GALNT13: variants seen among roughly 807,000 people sequenced by gnomAD.
GALNT13 encodes the protein UDP-GalNAc:polypeptide N-acetylgalactosaminyltransferase 13.
GALNT13 carries 28 observed loss-of-function variants against 64.2 expected under a neutral mutation model. That is an observed-to-expected ratio of 0.44 (90% CI 0.32 to 0.60). GALNT13 has a LOEUF of 0.60. GALNT13 is among the 20% of genes least tolerant of loss of function. The pLI is 0.05. For synonymous variants in GALNT13, 214 were observed against 224.6 expected, an observed-to-expected ratio of 0.95 and a Z score of 0.42; for missense variants, 577 against 669.8, an observed-to-expected ratio of 0.86 and a Z score of 1.53.
the GALNT13 span, among the ~76,000 whole-genome samples, chr2:153,540,853 A>G: frequency 1.3e-5 from 2 of 152,242 alleles, no homozygotes; most frequent in Non-Finnish European, 2.9e-5. Context: ...CATTGTATCT[A>G]GAAAGTAAGT....
chr2:153,632,342 G>A, the GALNT13 span, among the ~76,000 whole-genome samples: 5,828 of 152,258 alleles, frequency 0.038, 144 homozygotes, highest in Middle Eastern at 0.065. Context: ...ATTTGTTACA[G>A]TTGATAAACT....
chr2:153,357,937 TC>T, the GALNT13 span, among the ~76,000 whole-genome samples: 1 of 152,164 alleles, frequency 6.6e-6, no homozygotes, highest in Non-Finnish European at 1.5e-5. Flanking sequence ...CTGTATATCC[TC>T]CCAAGAGGCA....
the GALNT13 span, among the ~76,000 whole-genome samples, chr2:153,234,655 C>T: frequency 4.6e-5 from 7 of 152,136 alleles, no homozygotes; most frequent in Non-Finnish European, 2.9e-5. Flanking sequence ...ATTTTTTCAT[C>T]TGTCTGCCTC....
the GALNT13 span, among the ~76,000 whole-genome samples, chr2:153,524,450 A>C: frequency 1.3e-5 from 2 of 152,006 alleles, no homozygotes; most frequent in Admixed American, 6.6e-5. Flanking sequence ...CAAAAGTCAG[A>C]TGAGCACTCA....
the GALNT13 span, among the ~76,000 whole-genome samples, chr2:153,479,730 A>G: frequency 6.6e-6 from 1 of 152,170 alleles, no homozygotes. Flanking sequence ...ATTTTCCATA[A>G]GCTGATGTAT....
intron 9 of GALNT13, among the ~76,000 whole-genome samples, chr2:154,343,420 A>C (rs1185628378): frequency 6.6e-6 from 1 of 152,032 alleles, no homozygotes; most frequent in Non-Finnish European, 1.5e-5. Context: ...AAATTTTCAA[A>C]CTGGCAAGCA....
intron 8 of GALNT13, among the ~76,000 whole-genome samples, chr2:154,275,448 T>A (rs1691589067): frequency 6.6e-6 from 1 of 152,234 alleles, no homozygotes; most frequent in African/African-American, 2.4e-5. Context: ...GGCATCAGTA[T>A]ACAGTTCAGG....
the GALNT13 span, among the ~76,000 whole-genome samples, chr2:153,693,553 A>G: frequency 1.3e-4 from 20 of 152,168 alleles, no homozygotes; most frequent in Middle Eastern, 3.4e-3. Flanking sequence ...GACTCGGGGG[A>G]AAAACACACG....
At position 154,078,601 on chromosome 2, in the gene GALNT13, G is replaced by A. The variant is rs114655217; in HGVS notation, c.143-61736G>A. Among the ~76,000 whole-genome samples the A allele has an allele frequency of 7.2e-3, 1,084 of 151,508 alleles. 11 individuals carry two copies. The highest frequency in any genetic ancestry group is 0.024 in the African/African-American group (998 of 41,424). On this transcript the variant is annotated intron_variant, in intron 3 of 12. Coordinates refer to ENST00000392825, the MANE Select transcript of GALNT13 (RefSeq NM_052917.4). ...TTGAGAAAACAAGAGTTTTGCCCAC[G>A]CTTATTTAAATGTACTTATATTTTC...
At chr2:154,172,700 A>G (rs1243763902) in intron 4 of GALNT13, among the ~76,000 whole-genome samples, 1 of 151,620 alleles carries the variant, frequency 6.6e-6, no homozygotes, top group African/African-American at 2.4e-5. Context: ...CATTTTCTTC[A>G]CTTATCTGTT....
the GALNT13 span, among the ~76,000 whole-genome samples, chr2:153,459,481 CCAAA>C: frequency 3.3e-5 from 5 of 151,996 alleles, no homozygotes; most frequent in African/African-American, 9.7e-5. Context: ...AACCAACCAA[CCAAA>C]CAAACAAAAG....
chr2:153,450,166 A>G, the GALNT13 span, among the ~76,000 whole-genome samples: 2 of 152,198 alleles, frequency 1.3e-5, no homozygotes, highest in Non-Finnish European at 2.9e-5. Context: ...GACTTGTCAG[A>G]TTAGTAATGT....
intron 4 of GALNT13, among the ~76,000 whole-genome samples, chr2:154,202,675 A>G (rs774214559): frequency 6.6e-6 from 1 of 152,098 alleles, no homozygotes; most frequent in African/African-American, 2.4e-5. Context: ...CCCATCTTTC[A>G]CCACCATGAC....
the GALNT13 span, among the ~76,000 whole-genome samples, chr2:153,292,271 T>G: frequency 6.6e-6 from 1 of 151,094 alleles, no homozygotes; most frequent in African/African-American, 2.4e-5. Context: ...CCATCTATGT[T>G]CTTGTCTGAG....
At chr2:153,595,665 T>A in the GALNT13 span, among the ~76,000 whole-genome samples, 1 of 152,120 alleles carries the variant, frequency 6.6e-6, no homozygotes, top group East Asian at 1.9e-4. Context: ...CTAGATGCTT[T>A]AAAAATTTGT....
chr2:153,202,031 G>A, the GALNT13 span, among the ~76,000 whole-genome samples: 1 of 137,980 alleles, frequency 7.2e-6, no homozygotes, highest in African/African-American at 2.7e-5. Context: ...AGGCCGGACT[G>A]CGGACTGCAG....
At chr2:153,119,849 G>A in the GALNT13 span, among the ~76,000 whole-genome samples, 1 of 152,148 alleles carries the variant, frequency 6.6e-6, no homozygotes, top group Non-Finnish European at 1.5e-5. Context: ...TGTGAACTGT[G>A]GTAGATATCT....
chr2:153,480,978 G>A, the GALNT13 span, among the ~76,000 whole-genome samples: 9 of 152,132 alleles, frequency 5.9e-5, no homozygotes, highest in South Asian at 6.2e-4. Context: ...TGCTGTTTTC[G>A]TCAGGTCAGT....
the GALNT13 span, among the ~76,000 whole-genome samples, chr2:153,442,936 G>T: frequency 1.3e-5 from 2 of 152,310 alleles, no homozygotes; most frequent in East Asian, 3.9e-4. Flanking sequence ...TCAGACTGCT[G>T]TGCTTGCAGC....
Sources: gnomAD v4.1 joint callset for allele counts (sites outside exome capture counted in the v4.1 genomes callset) on GRCh38, gnomAD v4.1.1 for gene constraint, MANE v1.5 for transcripts, NCBI Gene and HGNC (gene_info 2026-07-23, HGNC 2026-07-21) for gene names.